Variants in REEP3 observed in about 807,000 individuals in gnomAD.
REEP3 encodes receptor accessory protein 3, also known as receptor expression-enhancing protein 3.
Under a neutral mutation model 41.3 loss-of-function variants are expected in REEP3, and 20 were observed. The observed-to-expected ratio is 0.48, with a 90% confidence interval of 0.34 to 0.70. The LOEUF (loss-of-function observed/expected upper bound fraction) is 0.70. REEP3 is among the 30% of genes least tolerant of loss of function. The pLI is 0.01. For missense variants in REEP3, 271 were observed against 308.8 expected (o/e 0.88, Z 0.92); for synonymous variants, 104 against 101.8 (o/e 1.02, Z -0.13).
chr10:63,547,098 T>A (rs183201096), intron 1 of REEP3, among the ~76,000 whole-genome samples: 5 of 151,776 alleles, frequency 3.3e-5, no homozygotes, highest in African/African-American at 1.2e-4. Flanking sequence ...ATTTTTGTAT[T>A]TTTAGTAGAG....
intron 2 of REEP3, among the ~76,000 whole-genome samples, chr10:63,578,768 C>T (rs187064514): frequency 1.3e-5 from 2 of 152,272 alleles, no homozygotes; most frequent in Admixed American, 1.3e-4. Context: ...GAGAGCAAGA[C>T]CCTGTCTCGA....
Position 63,521,564 on chromosome 10 carries a change from TC to T in REEP3, c.21del (p.Arg8GlufsTer20). On this transcript the variant is annotated frameshift_variant, in exon 1 of 8. Transcript: ENST00000373758. LOFTEE classifies it high-confidence loss of function. Reference sequence around the variant, plus strand: ...CGTGAAGATGGTGTCCTGGATGATCTCCAGAGCCGTGGTGTAAGTGCCTCTC... The same window carrying T: ...CGTGAAGATGGTGTCCTGGATGATCTCAGAGCCGTGGTGTAAGTGCCTCTC... The part of the protein sequence containing the change: MVSWMI[S>X]RAVVLVFGML... 1 of 1,430,098 alleles carries T rather than the reference TC, an allele frequency of 7.0e-7. No homozygotes were observed. 88.6% of individuals were successfully genotyped at this position (1,430,098 alleles called of 1,614,324 possible).
At chr10:63,546,451 A>G (rs1013959209) in intron 1 of REEP3, among the ~76,000 whole-genome samples, 2 of 152,244 alleles carry the variant, frequency 1.3e-5, no homozygotes, top group East Asian at 3.8e-4. Context: ...GAGTAAGTAT[A>G]CCTAGAGAAG....
chr10:63,607,260 G>A (rs1956237183), intron 5 of REEP3, among the ~76,000 whole-genome samples: 1 of 152,178 alleles, frequency 6.6e-6, no homozygotes, highest in African/African-American at 2.4e-5. Context: ...TAAAGTGTTG[G>A]AGGTTCTCAA....
chr10:63,580,535 A>G (rs147805001), intron 2 of REEP3, among the ~76,000 whole-genome samples: 4 of 151,724 alleles, frequency 2.6e-5, no homozygotes, highest in African/African-American at 9.6e-5. Flanking sequence ...AGCAAAAAAT[A>G]AAAACAAAAT....
At chr10:63,619,547 A>C in intron 6 of REEP3, 108 bp from the exon 7 acceptor site, 1 of 904,958 alleles carries the variant, frequency 1.1e-6, no homozygotes, top group South Asian at 1.9e-5. Context: ...AAAAAGAGTA[A>C]CTGGGGGAAA....
intron 1 of REEP3, among the ~76,000 whole-genome samples, chr10:63,530,100 C>A (rs1812494367): frequency 6.6e-6 from 1 of 152,096 alleles, no homozygotes; most frequent in East Asian, 1.9e-4. Flanking sequence ...TTATATTCAT[C>A]TTTGCTATAA....
At chr10:63,608,608 A>T (rs1956250389) in intron 5 of REEP3, among the ~76,000 whole-genome samples, 1 of 152,248 alleles carries the variant, frequency 6.6e-6, no homozygotes, top group South Asian at 2.1e-4. Flanking sequence ...AAGTATAAAA[A>T]ACCCCTTAGA....
rs1000038389 is a variant in REEP3, at chr10:63,622,215, C to G, written c.*1346C>G. 6.6e-6 allele frequency: 1 copy of G among 152,070 alleles called. No individual in the cohort carries two copies. Among genetic ancestry groups the G allele is most frequent in the South Asian group, 2.1e-4 (1 of 4,832 alleles). 9.4% of individuals were successfully genotyped at this position (152,070 alleles called of 1,614,324 possible). On this transcript the variant is annotated 3_prime_UTR_variant, in exon 8 of 8. Transcript: ENST00000373758. ...AAAAGATAAAATGATGAGAGAGATT[C>G]GAGAGGTCTTTGATCTGTCTCCCTT...
Position 63,572,541 on chromosome 10 carries a change from AACTG to A in REEP3, c.105+6136_105+6139del, listed in dbSNP as rs149226156. Among the ~76,000 whole-genome samples the A allele has an allele frequency of 7.5e-3, 1,149 of 152,264 alleles. 16 individuals carry two copies. Among genetic ancestry groups the A allele is most frequent in the African/African-American group, 0.026 (1,070 of 41,540 alleles). On this transcript the variant is annotated intron_variant, in intron 2 of 7. Coordinates refer to ENST00000373758, the MANE Select transcript of REEP3 (RefSeq NM_001001330.3). ...CTGTGTCCACGTGTTCTCATTGTTAAACTGACTGTTAACAGTTTTATCAGAACTC... is the reference window on the plus strand; with the variant it reads ...CTGTGTCCACGTGTTCTCATTGTTAAACTGTTAACAGTTTTATCAGAACTC...
intron 2 of REEP3, among the ~76,000 whole-genome samples, chr10:63,575,669 C>T (rs965882702): frequency 6.6e-6 from 1 of 152,070 alleles, no homozygotes; most frequent in Non-Finnish European, 1.5e-5. Context: ...TTAATTTCTG[C>T]ACCTATGTGC....
intron 1 of REEP3, among the ~76,000 whole-genome samples, chr10:63,559,877 T>G (rs1955724671): frequency 6.6e-6 from 1 of 152,190 alleles, no homozygotes; most frequent in African/African-American, 2.4e-5. Flanking sequence ...GATTTTCATT[T>G]ATATAAGGGA....
chr10:63,572,432 G>T (rs925191864), intron 2 of REEP3, among the ~76,000 whole-genome samples: 8 of 151,810 alleles, frequency 5.3e-5, no homozygotes. Context: ...TTTAAGCCCC[G>T]CATGCATTAG....
rs550963970 is a variant in REEP3, at chr10:63,602,897, A to G, written c.417+3614A>G. On this transcript the variant is annotated intron_variant, in intron 5 of 7. Coordinates refer to ENST00000373758, the MANE Select transcript of REEP3 (RefSeq NM_001001330.3). ...TACTGGGAATGTAGCAATGAACAAG[A>G]TAGATATAGCCCTCACCTGCACAAT... Among the ~76,000 whole-genome samples the G allele has an allele frequency of 4.6e-5, 7 of 152,358 alleles. No individual in the cohort carries two copies. In the East Asian group the frequency reaches 1.3e-3, roughly 29 times the overall value.
chr10:63,529,944 A>G (rs1216096947), intron 1 of REEP3, among the ~76,000 whole-genome samples: 2 of 150,150 alleles, frequency 1.3e-5, no homozygotes, highest in African/African-American at 2.5e-5. Flanking sequence ...ATGCCCTGCT[A>G]ATTTCTGTAT....
Position 63,594,838 on chromosome 10 carries a change from G to C in REEP3, c.166G>C (p.Asp56His). 1.2e-6 allele frequency: 2 copies of C among 1,609,480 alleles called. No individual in the cohort carries two copies. The highest frequency in any genetic ancestry group is 1.7e-6 in the Non-Finnish European group (2 of 1,175,928). ...ALYTVIETVA[D>H]QTVAWFPLYY... ...CTATACTGTGATTGAAACAGTAGCC[G>C]ATCAAACAGTTGCTTGGTAAGTTTT... Residue 56 changes from aspartate (D) to histidine (H), a missense_variant, in exon 3 of 8, where the codon GAT becomes CAT. Transcript: ENST00000373758.
At chr10:63,615,512 G>C (rs1362320721) in intron 6 of REEP3, among the ~76,000 whole-genome samples, 1 of 151,090 alleles carries the variant, frequency 6.6e-6, no homozygotes, top group Non-Finnish European at 1.5e-5. Context: ...TTCTCTCTTT[G>C]ATTCAAGGAT....
At chr10:63,525,011 C>CAAA (rs35948219) in intron 1 of REEP3, among the ~76,000 whole-genome samples, 1 of 143,070 alleles carries the variant, frequency 7.0e-6, no homozygotes. Context: ...GACTCTGTCT[C>CAAA]AAAAAAAAAA....
intron 5 of REEP3, among the ~76,000 whole-genome samples, chr10:63,609,307 C>CAAAAAA (rs1294435250): frequency 6.6e-6 from 1 of 151,814 alleles, no homozygotes; most frequent in Non-Finnish European, 1.5e-5. Flanking sequence ...AAAAAATTAG[C>CAAAAAA]CAGGCGTGGT....
Sources: allele counts gnomAD v4.1 joint callset (sites outside exome capture counted in the v4.1 genomes callset), GRCh38; gene constraint gnomAD v4.1.1; transcripts MANE v1.5; gene names NCBI Gene and HGNC (gene_info 2026-07-23, HGNC 2026-07-21).